The following RGS5 variants were observed in gnomAD, a reference collection of about 807,000 sequenced individuals.
RGS5 encodes regulator of G protein signaling 5.
Under a neutral mutation model 18.9 loss-of-function variants are expected in RGS5, and 20 were observed. That is an observed-to-expected ratio of 1.06 (90% confidence interval 0.74 to 1.54). The LOEUF (loss-of-function observed/expected upper bound fraction) is 1.54. Ranked by LOEUF, RGS5 falls within the 40% of genes most tolerant of loss-of-function variation. The pLI, the probability that RGS5 is intolerant of heterozygous loss-of-function variation, is 0.00. For synonymous variants in RGS5, 57 were observed against 76.2 expected (o/e 0.75, Z 1.31); for missense variants, 201 against 211.8 (o/e 0.95, Z 0.32).
At chr1:163,319,282 A>G (rs1435121643) in intron 1 of RGS5, 1 of 152,254 alleles carries the variant, frequency 6.6e-6, no homozygotes, top group Admixed American at 6.5e-5. Context: ...TCCAGAATTT[A>G]AAGTGCAGTC....
chr1:163,210,876 T>C (rs541161294), intron 1 of RGS5: 1 of 152,242 alleles, frequency 6.6e-6, no homozygotes, highest in South Asian at 2.1e-4. Flanking sequence ...ACGTTGGCTA[T>C]GCCTGGCTCT....
At chr1:163,289,928 A>G (rs2101724554) in intron 2 of RGS5, among the ~76,000 whole-genome samples, 1 of 152,342 alleles carries the variant, frequency 6.6e-6, no homozygotes, top group South Asian at 2.1e-4. Context: ...TGCATAGGTA[A>G]ATGCTGGCAG....
chr1:163,155,811 G>C (rs991399884), intron 3 of RGS5, among the ~76,000 whole-genome samples: 2 of 151,952 alleles, frequency 1.3e-5, no homozygotes, highest in Non-Finnish European at 2.9e-5. Context: ...CAGAGCGTCG[G>C]AGTACCTCTC....
chr1:163,196,582 A>G (rs1659572043), intron 1 of RGS5, among the ~76,000 whole-genome samples: 1 of 152,176 alleles, frequency 6.6e-6, no homozygotes, highest in Non-Finnish European at 1.5e-5. Flanking sequence ...ACAGAATGCA[A>G]TTCACTAAAG....
Position 163,156,247 on chromosome 1 carries a change from T to C in RGS5, c.218-3531A>G, listed in dbSNP as rs564066112. 1.6e-4 allele frequency among the ~76,000 whole-genome samples: 25 copies of C among 152,324 alleles called. 1 individual carries two copies. The South Asian group carries it at 5.0e-3, about 30-fold the overall frequency. On this transcript the variant is annotated intron_variant, in intron 3 of 4. Transcript: ENST00000313961. ...TGTTGCATCATCTGTTCAATGGAGATACTAATGGAACTTATCTGATGGGGT... is the reference window on the plus strand; with the variant it reads ...TGTTGCATCATCTGTTCAATGGAGACACTAATGGAACTTATCTGATGGGGT...
intron 1 of RGS5, chr1:163,172,413 C>T: frequency 2.5e-6 from 2 of 814,532 alleles, no homozygotes; most frequent in Admixed American, 3.3e-5. Flanking sequence ...CCTTTTAAAA[C>T]CAGGATGAAT....
upstream of RGS5, among the ~76,000 whole-genome samples, chr1:163,207,914 A>C (rs1030654389): frequency 1.3e-5 from 2 of 152,272 alleles, no homozygotes; most frequent in Admixed American, 1.3e-4. Context: ...AAAAAGAAAG[A>C]TTAAAAAACA....
At chr1:163,177,096 TA>T (rs1290796878) in intron 1 of RGS5, among the ~76,000 whole-genome samples, 2 of 152,204 alleles carry the variant, frequency 1.3e-5, no homozygotes, top group Non-Finnish European at 2.9e-5. Flanking sequence ...GCTTGTTCAT[TA>T]GATAATGGGC....
upstream of RGS5, among the ~76,000 whole-genome samples, chr1:163,206,487 G>A (rs867125758): frequency 2.0e-5 from 3 of 151,842 alleles, no homozygotes; most frequent in Non-Finnish European, 4.4e-5. Context: ...ATTTTTTAAT[G>A]TCCTCATATA....
At chr1:163,230,917 C>T (rs11584089) in intron 2 of RGS5, among the ~76,000 whole-genome samples, 14,700 of 152,178 alleles carry the variant, frequency 0.097, 983 homozygotes, top group South Asian at 0.2. Flanking sequence ...AGACACATTA[C>T]AAAAAATTCA....
intron 2 of RGS5, among the ~76,000 whole-genome samples, chr1:163,234,205 A>T (rs886552815): frequency 6.6e-6 from 1 of 152,154 alleles, no homozygotes; most frequent in Non-Finnish European, 1.5e-5. Flanking sequence ...ATTTTTATAG[A>T]TGTTCTTTAC....
At chr1:163,179,024 CTG>C (rs1386597542) in intron 1 of RGS5, among the ~76,000 whole-genome samples, 1 of 152,202 alleles carries the variant, frequency 6.6e-6, no homozygotes, top group African/African-American at 2.4e-5. Flanking sequence ...CAACTCCCAA[CTG>C]TGGCAAAAAT....
At chr1:163,279,086 C>T (rs1648929174) in intron 2 of RGS5, among the ~76,000 whole-genome samples, 1 of 152,074 alleles carries the variant, frequency 6.6e-6, no homozygotes, top group East Asian at 1.9e-4. Flanking sequence ...GGGACTTCAA[C>T]AGCCCACTTT....
At chr1:163,253,799 C>T (rs924813791) in intron 2 of RGS5, among the ~76,000 whole-genome samples, 1 of 147,886 alleles carries the variant, frequency 6.8e-6, no homozygotes, top group Non-Finnish European at 1.5e-5. Flanking sequence ...ATCCCTCCCC[C>T]CTCCCCACAC....
intron 1 of RGS5, among the ~76,000 whole-genome samples, chr1:163,213,814 C>G (rs1660161489): frequency 5.9e-5 from 9 of 152,012 alleles, no homozygotes; most frequent in Admixed American, 5.9e-4. Context: ...ACATTTCCAC[C>G]ATGGATTTAA....
intron 3 of RGS5, among the ~76,000 whole-genome samples, chr1:163,159,234 T>A (rs536331002): frequency 6.6e-6 from 1 of 152,252 alleles, no homozygotes; most frequent in East Asian, 1.9e-4. Flanking sequence ...CGAGGTGACA[T>A]ACATCCTCCT....
At chr1:163,227,930 C>G (rs536775931) in intron 2 of RGS5, among the ~76,000 whole-genome samples, 2 of 152,338 alleles carry the variant, frequency 1.3e-5, no homozygotes, top group South Asian at 4.1e-4. Context: ...TGTCTCACAT[C>G]CAGGTCACAC....
At chr1:163,226,264 G>A (rs749997389) in intron 2 of RGS5, among the ~76,000 whole-genome samples, 1 of 152,130 alleles carries the variant, frequency 6.6e-6, no homozygotes, top group Non-Finnish European at 1.5e-5. Context: ...GATTTAATAC[G>A]AAAAACTGTT....
intron 2 of RGS5, among the ~76,000 whole-genome samples, chr1:163,278,341 G>A (rs1648908627): frequency 6.6e-6 from 1 of 152,012 alleles, no homozygotes; most frequent in South Asian, 2.1e-4. Flanking sequence ...AGTGCTGAAA[G>A]AAAAAACTGC....
Sources: allele counts gnomAD v4.1 joint callset (sites outside exome capture counted in the v4.1 genomes callset), GRCh38; gene constraint gnomAD v4.1.1; transcripts MANE v1.5; gene names NCBI Gene and HGNC (gene_info 2026-07-23, HGNC 2026-07-21).